KLF8: variants seen among roughly 807,000 people sequenced by gnomAD.
The protein encoded by KLF8 is Krueppel-like factor 8.
KLF8 carries 10 observed loss-of-function variants against 18.2 expected under a neutral mutation model. The ratio of observed to expected loss-of-function variants is 0.55; its 90% CI spans 0.34 to 0.93. The LOEUF is 0.93. KLF8 is among the 40% of genes least tolerant of loss of function. The pLI is 0.02. For synonymous variants in KLF8, 109 were observed against 97.3 expected (o/e 1.12, Z -0.71); for missense variants, 264 against 277.9 (o/e 0.95, Z 0.36).
chrX:56,167,404 A>C, the KLF8 span, among the ~76,000 whole-genome samples: 77 of 112,189 alleles, frequency 6.9e-4, 1 homozygote, highest in Non-Finnish European at 1.1e-3. Flanking sequence ...TGCTGGGATT[A>C]CGGTGCAAGC....
the KLF8 span, among the ~76,000 whole-genome samples, chrX:56,188,594 G>A: frequency 2.7e-5 from 3 of 111,870 alleles, no homozygotes; most frequent in Non-Finnish European, 5.6e-5. Flanking sequence ...AAAGCTGGAG[G>A]CATCATGCTA....
chrX:56,284,078 ATT>A (rs1465625415), intron 5 of KLF8, among the ~76,000 whole-genome samples: 1 of 112,458 alleles, frequency 8.9e-6, no homozygotes, highest in Non-Finnish European at 1.9e-5. Flanking sequence ...ATGTATGTTA[ATT>A]AACTCGACTT....
In KLF8 at chrX:56,284,696, A is replaced by AC. The variant is rs2067249328; in HGVS notation, c.*205dup. 6.7e-6 allele frequency: 2 copies of AC among 297,133 alleles called. No homozygotes were observed. The highest frequency in any genetic ancestry group is 1.1e-5 in the Non-Finnish European group (2 of 173,928). 24.5% of individuals were successfully genotyped at this position (297,133 alleles called of 1,213,427 possible). A position where few individuals can be genotyped will look rare whatever the true frequency, so the allele number is the denominator to read the frequency against. On this transcript the variant is annotated 3_prime_UTR_variant, in exon 6 of 6. Transcript: ENST00000468660. ...CTACCTTCACTTCTCCACTGTCCAGACCCGTTTTTTTCAACCTCCACATGG... is the reference window on the plus strand; with the variant it reads ...CTACCTTCACTTCTCCACTGTCCAGACCCCGTTTTTTTCAACCTCCACATGG...
rs760858783 is a variant in KLF8 at position 56,286,362 on chromosome X, A to G, written c.*1868A>G. Reference sequence around the variant, plus strand: ...GAGATGGGGTTTCGCCATGTTGGCCAGGCTGGTCTCAAACTCCTGACCTCA... The same window carrying G: ...GAGATGGGGTTTCGCCATGTTGGCCGGGCTGGTCTCAAACTCCTGACCTCA... On this transcript the variant is annotated 3_prime_UTR_variant, in exon 6 of 6. Transcript: ENST00000468660. The G allele has an allele frequency of 9.0e-6, 1 of 111,662 alleles. No individual in the cohort carries two copies. Among genetic ancestry groups the G allele is most frequent in the Non-Finnish European group, 1.9e-5 (1 of 53,167 alleles). The allele number at this position is 111,662 out of a possible 1,213,427, so 9.2% of individuals were successfully genotyped here. A position where few individuals can be genotyped will look rare whatever the true frequency, so the allele number is the denominator to read the frequency against.
chrX:56,052,973 G>A, the KLF8 span, among the ~76,000 whole-genome samples: 1 of 111,953 alleles, frequency 8.9e-6, no homozygotes, highest in Non-Finnish European at 1.9e-5. Flanking sequence ...CTCGTGGTGG[G>A]CCGTTTTTTA....
Position 56,265,160 on chromosome X carries a change from C to T in KLF8, c.82-20C>T. ...TACTAACACTGACTTATGCATCTCT[C>T]ATTTGTTTATTTATTTAAGGTCACT... On this transcript the variant is annotated intron_variant, in intron 2 of 5. Coordinates refer to ENST00000468660, the MANE Select transcript of KLF8 (RefSeq NM_007250.5). 1.7e-6 allele frequency: 2 copies of T among 1,169,492 alleles called. No homozygotes were observed. Among genetic ancestry groups the T allele is most frequent in the Non-Finnish European group, 2.3e-6 (2 of 868,832 alleles).
chrX:56,095,359 A>G, the KLF8 span, among the ~76,000 whole-genome samples: 1 of 112,927 alleles, frequency 8.9e-6, no homozygotes, highest in Non-Finnish European at 1.9e-5. Flanking sequence ...ACTCAAAACT[A>G]TAAGAACACT....
chrX:56,166,999 G>C, the KLF8 span, among the ~76,000 whole-genome samples: 1 of 112,055 alleles, frequency 8.9e-6, no homozygotes, highest in Non-Finnish European at 1.9e-5. Context: ...GTGTGCAAAA[G>C]CCATATGTGT....
At chrX:56,000,246 G>C in the KLF8 span, among the ~76,000 whole-genome samples, 7 of 110,597 alleles carry the variant, frequency 6.3e-5, no homozygotes, top group Non-Finnish European at 1.1e-4. Flanking sequence ...TGGTTTGCTA[G>C]CATTCTGTTG....
chrX:56,023,631 T>C, the KLF8 span, among the ~76,000 whole-genome samples: 1 of 109,008 alleles, frequency 9.2e-6, no homozygotes, highest in African/African-American at 3.5e-5. Flanking sequence ...GCTTGTTATA[T>C]ACACTGGTAT....
the KLF8 span, among the ~76,000 whole-genome samples, chrX:56,177,535 G>C: frequency 9.0e-6 from 1 of 111,095 alleles, no homozygotes; most frequent in African/African-American, 3.3e-5. Flanking sequence ...TCCCAGTTAG[G>C]CTACTCGGGG....
chrX:56,221,934 G>A, the KLF8 span, among the ~76,000 whole-genome samples: 11 of 111,626 alleles, frequency 9.9e-5, no homozygotes, highest in Non-Finnish European at 2.1e-4. Flanking sequence ...ACAGAGATCC[G>A]ATTGGTCTGT....
chrX:56,092,079 G>T, the KLF8 span, among the ~76,000 whole-genome samples: 7 of 107,492 alleles, frequency 6.5e-5, no homozygotes, highest in Non-Finnish European at 1.3e-4. Flanking sequence ...GATGATTGCT[G>T]ATGTTGAGTT....
At chrX:56,049,062 CTGTT>C in the KLF8 span, among the ~76,000 whole-genome samples, 25 of 111,647 alleles carry the variant, frequency 2.2e-4, no homozygotes, top group East Asian at 4.8e-3. Context: ...ATTTGGCTCT[CTGTT>C]TGTCTGTTAT....
At chrX:56,213,671 T>C in the KLF8 span, among the ~76,000 whole-genome samples, 1 of 111,068 alleles carries the variant, frequency 9.0e-6, no homozygotes, top group Admixed American at 9.6e-5. Flanking sequence ...TTAAATTAGG[T>C]AACATACAGC....
chrX:56,152,162 T>A, the KLF8 span, among the ~76,000 whole-genome samples: 2 of 112,002 alleles, frequency 1.8e-5, no homozygotes, highest in South Asian at 7.3e-4. Context: ...TTTTTATTTC[T>A]TATTCACCTG....
the KLF8 span, among the ~76,000 whole-genome samples, chrX:55,934,690 A>G: frequency 8.9e-6 from 1 of 112,248 alleles, no homozygotes; most frequent in Non-Finnish European, 1.9e-5. Context: ...TCTTCAACCA[A>G]TTTCTCTCTC....
the KLF8 span, among the ~76,000 whole-genome samples, chrX:56,109,038 C>T: frequency 3.7e-4 from 41 of 111,335 alleles, no homozygotes; most frequent in Middle Eastern, 9.2e-3. Context: ...ATTTCATTGT[C>T]GCCAGAGATA....
At chrX:55,989,733 G>T in the KLF8 span, among the ~76,000 whole-genome samples, 3 of 111,982 alleles carry the variant, frequency 2.7e-5, no homozygotes, top group Middle Eastern at 4.6e-3. Flanking sequence ...GAGTTAGGGA[G>T]GATTCCCTCT....
Sources: allele counts gnomAD v4.1 joint callset (sites outside exome capture counted in the v4.1 genomes callset), GRCh38; gene constraint gnomAD v4.1.1; transcripts MANE v1.5; gene names NCBI Gene and HGNC (gene_info 2026-07-23, HGNC 2026-07-21).